ABCG2: variants seen among roughly 807,000 people sequenced by gnomAD.
ABCG2 encodes ATP binding cassette subfamily G member 2 (JR blood group), also known as broad substrate specificity ATP-binding cassette transporter ABCG2.
In ABCG2, 80 loss-of-function variants were observed where a neutral mutation model predicts 73.5. That is an observed-to-expected ratio of 1.09 (90% CI 0.91 to 1.31). The LOEUF (loss-of-function observed/expected upper bound fraction) is 1.31, where lower values mean the gene tolerates loss of function less well. ABCG2 is among the 50% of genes most tolerant of loss of function. ABCG2 has a pLI of 0.00. For missense variants in ABCG2, 796 were observed against 786.2 expected, an observed-to-expected ratio of 1.01 and a Z score of -0.15; for synonymous variants, 269 against 282.4, an observed-to-expected ratio of 0.95 and a Z score of 0.48.
intron 15 of ABCG2, among the ~76,000 whole-genome samples, chr4:88,093,033 T>C (rs373956349): frequency 6.6e-6 from 1 of 152,100 alleles, no homozygotes; most frequent in Non-Finnish European, 1.5e-5. Flanking sequence ...AGCTATCAGG[T>C]TTAAGCCTTA....
chr4:88,185,865 G>T (rs1728432747), intron 1 of ABCG2, among the ~76,000 whole-genome samples: 2 of 152,162 alleles, frequency 1.3e-5, no homozygotes, highest in Admixed American at 6.5e-5. Context: ...ATGCTGTCAA[G>T]AATGTGGAGG....
chr4:88,097,251 A>G (rs1722045635), intron 13 of ABCG2, among the ~76,000 whole-genome samples: 1 of 152,228 alleles, frequency 6.6e-6, no homozygotes, highest in East Asian at 1.9e-4. Flanking sequence ...CTTCATTAGA[A>G]CAGTAGCAAA....
At chr4:88,094,080 G>C (rs1721822683) in intron 15 of ABCG2, among the ~76,000 whole-genome samples, 1 of 152,150 alleles carries the variant, frequency 6.6e-6, no homozygotes, top group Non-Finnish European at 1.5e-5. Context: ...GGAAGTGCCA[G>C]GATCTTGGCA....
intron 15 of ABCG2, among the ~76,000 whole-genome samples, chr4:88,093,288 G>A (rs1005908233): frequency 5.9e-5 from 9 of 151,996 alleles, no homozygotes. Context: ...GGTGGATCAC[G>A]AGGTCAGGAG....
chr4:88,154,510 A>G (rs1013025030), intron 1 of ABCG2, among the ~76,000 whole-genome samples: 9 of 152,162 alleles, frequency 5.9e-5, no homozygotes, highest in African/African-American at 2.2e-4. Flanking sequence ...TCAATGATAG[A>G]TGTGGAAGAT....
chr4:88,202,231 C>G lies in ABCG2; in HGVS notation c.-20+28763G>C, dbSNP rs558403659. On this transcript the variant is annotated intron_variant, in intron 1 of 15. Coordinates refer to the ABCG2 transcript ENST00000515655. The stretch of plus-strand genomic sequence containing the variant: ...CGGCCAAGAAATTTGAGAGTCTAGG[C>G]GTTATGTGATGACTCACATCTGTAA... Among the ~76,000 whole-genome samples, 3 of 150,726 alleles carry G rather than the reference C, an allele frequency of 2.0e-5. No individual in the cohort carries two copies. The East Asian group carries it at 5.9e-4, about 30-fold the overall frequency.
chr4:88,093,610 C>T (rs752287748), intron 15 of ABCG2, among the ~76,000 whole-genome samples: 1 of 151,984 alleles, frequency 6.6e-6, no homozygotes, highest in Non-Finnish European at 1.5e-5. Flanking sequence ...TTATCTGGTC[C>T]CATTTTTCCC....
chr4:88,132,014 G>A, intron 3 of ABCG2, 97 bp from the exon 4 acceptor site: 3 of 707,336 alleles, frequency 4.2e-6, no homozygotes, highest in Non-Finnish European at 4.6e-6. Context: ...TATATCTCAT[G>A]GCTACTTTGA....
intron 13 of ABCG2, 47 bp from the exon 14 acceptor site, chr4:88,095,656 T>C: frequency 3.4e-6 from 5 of 1,468,934 alleles, no homozygotes; most frequent in South Asian, 1.2e-5. Context: ...AGTAATTTCA[T>C]GCAGAATTCT....
At chr4:88,181,051 G>T (rs1445369585) in intron 1 of ABCG2, among the ~76,000 whole-genome samples, 1 of 152,090 alleles carries the variant, frequency 6.6e-6, no homozygotes, top group Non-Finnish European at 1.5e-5. Flanking sequence ...ATTTTTATTA[G>T]TTTTCTCTTT....
intron 8 of ABCG2, among the ~76,000 whole-genome samples, chr4:88,113,896 G>A (rs1460582002): frequency 6.6e-6 from 1 of 152,044 alleles, no homozygotes. Context: ...CCAGGGAGGT[G>A]GAGGTTGCAG....
chr4:88,126,577 C>A (rs1280544764), intron 5 of ABCG2, among the ~76,000 whole-genome samples: 1 of 152,194 alleles, frequency 6.6e-6, no homozygotes, highest in African/African-American at 2.4e-5. Context: ...ACCTTATCCA[C>A]CATGATCAAG....
At chr4:88,103,410 C>T (rs1211240298) in intron 10 of ABCG2, among the ~76,000 whole-genome samples, 1 of 152,084 alleles carries the variant, frequency 6.6e-6, no homozygotes, top group African/African-American at 2.4e-5. Flanking sequence ...GTTATATCTA[C>T]TTATTGGTCT....
chr4:88,114,818 A>T (rs74421990), intron 8 of ABCG2, 139 bp downstream of exon 8: 5 of 556,732 alleles, frequency 9.0e-6, no homozygotes, highest in Non-Finnish European at 1.3e-5. Flanking sequence ...CTCACAGACA[A>T]CAAAATATTT....
At chr4:88,095,688 C>T (rs1721938451) in intron 13 of ABCG2, 79 bp from the exon 14 acceptor site, 1 of 1,112,676 alleles carries the variant, frequency 9.0e-7, no homozygotes, top group African/African-American at 1.6e-5. Flanking sequence ...TCTTCAAGTC[C>T]CTACCACTTT....
At chr4:88,135,322 C>G (rs921531457) in intron 2 of ABCG2, among the ~76,000 whole-genome samples, 1 of 152,192 alleles carries the variant, frequency 6.6e-6, no homozygotes, top group Non-Finnish European at 1.5e-5. Context: ...ATTGCTACCA[C>G]CTCTCACACC....
intron 1 of ABCG2, among the ~76,000 whole-genome samples, chr4:88,223,158 G>A (rs1730073194): frequency 6.6e-6 from 1 of 152,150 alleles, no homozygotes; most frequent in South Asian, 2.1e-4. Context: ...GAAGGGACTT[G>A]CCTTTTCTCA....
chr4:88,202,595 C>T lies in ABCG2; in HGVS notation c.-20+28399G>A, dbSNP rs143757231. On this transcript the variant is annotated intron_variant, in intron 1 of 15. Coordinates refer to the ABCG2 transcript ENST00000515655. ...ACAGATTGAATCACAGGTTACCACC[C>T]GGGAACAGGAGCGTCCAGGCTCCTC... 2.2e-4 allele frequency among the ~76,000 whole-genome samples: 33 copies of T among 151,672 alleles called. No individual in the cohort carries two copies. The East Asian group carries it at 5.1e-3, about 23-fold the overall frequency.
chr4:88,137,511 AC>A (rs1295602583), intron 2 of ABCG2, among the ~76,000 whole-genome samples: 1 of 152,228 alleles, frequency 6.6e-6, no homozygotes, highest in Non-Finnish European at 1.5e-5. Flanking sequence ...ATAAGAAAAT[AC>A]CACGTTGAAT....
Sources: gnomAD v4.1 joint callset for allele counts (sites outside exome capture counted in the v4.1 genomes callset) on GRCh38, gnomAD v4.1.1 for gene constraint, MANE v1.5 for transcripts, NCBI Gene and HGNC (gene_info 2026-07-23, HGNC 2026-07-21) for gene names.